Variants in FSHR observed in about 807,000 individuals in gnomAD.
FSHR encodes follicle-stimulating hormone receptor.
A neutral mutation model predicts 52.1 loss-of-function variants in FSHR; 46 were observed. The observed-to-expected ratio is 0.88, with a 90% CI of 0.70 to 1.13. The LOEUF (loss-of-function observed/expected upper bound fraction) is 1.13, where lower values mean the gene tolerates loss of function less well. FSHR is among the 50% of genes most tolerant of loss of function. FSHR has a pLI of 0.00. For missense variants in FSHR, 964 were observed against 834.6 expected (o/e 1.16, Z -1.91); for synonymous variants, 399 against 309.6 (o/e 1.29, Z -3.03).
chr2:49,074,788 T>C (rs1321766549), intron 1 of FSHR, among the ~76,000 whole-genome samples: 1 of 148,918 alleles, frequency 6.7e-6, no homozygotes, highest in African/African-American at 2.5e-5. Flanking sequence ...GTCCAACAGA[T>C]AAATGGATAA....
In FSHR at chr2:49,154,284, G is replaced by A. The variant is rs369583512; in HGVS notation, c.134C>T (p.Pro45Leu). The change falls in exon 1 of 10, where the codon CCG becomes CTG. Residue 45 changes from proline (P) to leucine (L), a missense_variant. By Grantham distance (98) the Pro-to-Leu change is moderately conservative. Coordinates refer to ENST00000406846, the MANE Select transcript of FSHR (RefSeq NM_000145.4). ...SKVTEIPSDL[P>L]RNAIELRFVL... ...TACTCACAGTTCAATGGCATTCCTCGGGAGGTCAGAAGGAATCTCTGTCAC... is the reference window on the plus strand; with the variant it reads ...TACTCACAGTTCAATGGCATTCCTCAGGAGGTCAGAAGGAATCTCTGTCAC... The A allele has an allele frequency of 8.7e-6, 14 of 1,613,690 alleles. No homozygotes were observed. Among genetic ancestry groups the A allele is most frequent in the South Asian group, 3.3e-5 (3 of 91,058 alleles).
At position 48,990,643 on chromosome 2, in the gene FSHR, G is replaced by C; in HGVS notation, c.375-6C>G. On this transcript the variant is annotated splice_polypyrimidine_tract_variant and splice_region_variant and intron_variant, in intron 4 of 9. Coordinates refer to ENST00000406846, the MANE Select transcript of FSHR (RefSeq NM_000145.4). The stretch of plus-strand genomic sequence containing the variant: ...TACCTGTGTTGGATATTAACCTAGA[G>C]AGAAACAAAATGAGAGTGAGTGAAA... 1 of 1,578,316 alleles carries C rather than the reference G, an allele frequency of 6.3e-7. No homozygotes were observed. Among genetic ancestry groups the C allele is most frequent in the Non-Finnish European group, 8.7e-7 (1 of 1,147,672 alleles).
At chr2:49,094,963 A>T (rs1026502352) in intron 1 of FSHR, among the ~76,000 whole-genome samples, 2 of 152,116 alleles carry the variant, frequency 1.3e-5, no homozygotes, top group African/African-American at 4.8e-5. Flanking sequence ...AAAAGATGGG[A>T]TATTATCCCT....
chr2:49,070,281 A>G (rs1016152198), intron 1 of FSHR, among the ~76,000 whole-genome samples: 1 of 152,216 alleles, frequency 6.6e-6, no homozygotes, highest in Non-Finnish European at 1.5e-5. Flanking sequence ...ATATTAGATC[A>G]TACTAAAAGC....
intron 1 of FSHR, among the ~76,000 whole-genome samples, chr2:49,141,630 C>G (rs1672689813): frequency 6.6e-6 from 1 of 152,116 alleles, no homozygotes; most frequent in East Asian, 1.9e-4. Context: ...GGACACACAT[C>G]CAAACTATGT....
intron 4 of FSHR, among the ~76,000 whole-genome samples, chr2:48,993,120 G>A (rs1357442623): frequency 6.6e-6 from 1 of 151,552 alleles, no homozygotes; most frequent in Admixed American, 6.6e-5. Context: ...TGGGCCTTTT[G>A]CTTCTCTTTT....
At position 48,988,994 on chromosome 2, in the gene FSHR, G is replaced by T. The variant is rs1472881809; in HGVS notation, c.507C>A (p.Ser169Arg). The T allele has an allele frequency of 3.1e-6, 5 of 1,613,788 alleles. No individual in the cohort carries two copies. Among genetic ancestry groups the T allele is most frequent in the Admixed American group, 1.7e-5 (1 of 60,018 alleles). ...TIERNSFVGL[S>R]FESVILWLNK... is the part of the protein sequence containing the mutation. ...TTACTTACAGAATCACACTTTCAAA[G>T]CTCAGCCCCACGAAAGAATTTCTTT... Residue 169 changes from serine (S) to arginine (R), a missense_variant, in exon 6 of 10, where the codon AGC (serine) becomes AGA (arginine). By Grantham distance (110) the Ser-to-Arg change is moderately radical. Coordinates refer to ENST00000406846, the MANE Select transcript of FSHR (RefSeq NM_000145.4).
intron 1 of FSHR, among the ~76,000 whole-genome samples, chr2:49,101,814 A>G (rs141579056): frequency 6.6e-6 from 1 of 152,304 alleles, no homozygotes; most frequent in East Asian, 1.9e-4. Context: ...TCCAAGGTCA[A>G]GGGGCCACAT....
chr2:49,014,364 T>C (rs1020558215), intron 4 of FSHR, among the ~76,000 whole-genome samples: 1 of 152,130 alleles, frequency 6.6e-6, no homozygotes, highest in Non-Finnish European at 1.5e-5. Flanking sequence ...GACTGAGGAC[T>C]ACTCAACACC....
rs6545095 is a variant in FSHR, at chr2:49,104,602, G to A, written c.153-36312C>T. On this transcript the variant is annotated intron_variant, in intron 1 of 9. Transcript: ENST00000406846. The stretch of plus-strand genomic sequence containing the variant: ...GACTTGCGAAATTAAGTGAAAAATG[G>A]TTTGCAGAAAGATATCGTGTTCCAA... 2.0e-3 allele frequency among the ~76,000 whole-genome samples: 307 copies of A among 152,264 alleles called. 1 individual carries two copies. The highest frequency in any genetic ancestry group is 6.8e-3 in the African/African-American group (282 of 41,562).
chr2:49,002,133 T>C (rs893721674), intron 4 of FSHR, among the ~76,000 whole-genome samples: 2 of 152,144 alleles, frequency 1.3e-5, no homozygotes, highest in African/African-American at 4.8e-5. Context: ...GTAAATATTT[T>C]ACAGGTCTTT....
intron 4 of FSHR, among the ~76,000 whole-genome samples, chr2:48,997,494 C>T (rs1007810949): frequency 6.6e-5 from 10 of 151,654 alleles, no homozygotes; most frequent in African/African-American, 2.4e-4. Context: ...GGGCATGTAG[C>T]ATAGCTTCAA....
At chr2:49,038,372 A>C (rs1196564360) in intron 2 of FSHR, among the ~76,000 whole-genome samples, 1 of 152,186 alleles carries the variant, frequency 6.6e-6, no homozygotes, top group East Asian at 1.9e-4. Context: ...CTGTAATCCC[A>C]GTACTTTGGG....
At chr2:49,023,282 C>T (rs1325846640) in intron 2 of FSHR, among the ~76,000 whole-genome samples, 2 of 152,088 alleles carry the variant, frequency 1.3e-5, no homozygotes, top group Non-Finnish European at 2.9e-5. Flanking sequence ...TTGTCTAATT[C>T]ATCTGTTTTT....
chr2:49,038,457 T>TA (rs1157420652), intron 2 of FSHR, among the ~76,000 whole-genome samples: 3 of 151,166 alleles, frequency 2.0e-5, no homozygotes, highest in Non-Finnish European at 4.4e-5. Flanking sequence ...CCGTCTCTAC[T>TA]AAAAAAACAA....
chr2:49,137,745 T>C (rs1200683409), intron 1 of FSHR, among the ~76,000 whole-genome samples: 1 of 152,124 alleles, frequency 6.6e-6, no homozygotes, highest in East Asian at 1.9e-4. Context: ...CAATTAAATA[T>C]TCACATGCAA....
intron 2 of FSHR, among the ~76,000 whole-genome samples, chr2:49,056,930 A>G (rs899079845): frequency 1.3e-5 from 2 of 152,164 alleles, no homozygotes; most frequent in African/African-American, 4.8e-5. Flanking sequence ...GGTAAAGAGG[A>G]AATTAAGAAT....
chr2:49,071,330 T>C (rs13033004), intron 1 of FSHR, among the ~76,000 whole-genome samples: 36,602 of 152,022 alleles, frequency 0.24, 4,544 homozygotes, highest in East Asian at 0.35. Flanking sequence ...GGGAAAAATA[T>C]AGACTATCTT....
chr2:49,066,859 A>T lies in FSHR; in HGVS notation c.224+1360T>A, dbSNP rs561984313. Among the ~76,000 whole-genome samples, 10 of 152,206 alleles carry T rather than the reference A, an allele frequency of 6.6e-5. No individual in the cohort carries two copies. The South Asian group carries it at 1.2e-3, about 19-fold the overall frequency. ...TATAGTGATGTTTAGGGACACAGGG[A>T]TATCCAGTAGTCATTTAGTCTATGT... is the stretch of plus-strand genomic sequence containing the variant. On this transcript the variant is annotated intron_variant, in intron 2 of 9. Transcript: ENST00000406846.
Sources: allele counts gnomAD v4.1 joint callset (sites outside exome capture counted in the v4.1 genomes callset), GRCh38; gene constraint gnomAD v4.1.1; transcripts MANE v1.5; gene names NCBI Gene and HGNC (gene_info 2026-07-23, HGNC 2026-07-21).